Variants in TRAPPC9 observed in about 807,000 individuals in gnomAD.
TRAPPC9 encodes the protein trafficking protein particle complex subunit 9, also known as IKK2 binding protein.
In TRAPPC9, 83 loss-of-function variants were observed where a neutral mutation model predicts 124.0. The ratio of observed to expected loss-of-function variants is 0.67; its 90% CI spans 0.56 to 0.80. TRAPPC9 has a LOEUF of 0.80. Among genes scored for constraint, TRAPPC9 ranks in the 30% least tolerant of loss-of-function variants. The probability of loss-of-function intolerance (pLI) is 0.00; values close to 1 mark genes in which losing one functional copy is unlikely to be tolerated. For synonymous variants in TRAPPC9, 638 were observed against 617.5 expected (o/e 1.03, Z -0.49); for missense variants, 1,302 against 1,508.3 (o/e 0.86, Z 2.27).
At chr8:139,808,076 G>A (rs1286624370) in intron 21 of TRAPPC9, among the ~76,000 whole-genome samples, 2 of 152,252 alleles carry the variant, frequency 1.3e-5, no homozygotes, top group Non-Finnish European at 2.9e-5. Flanking sequence ...GAGGATCACA[G>A]AGGAGTGCAA....
intron 17 of TRAPPC9, among the ~76,000 whole-genome samples, chr8:140,168,165 G>T (rs1476366608): frequency 6.6e-6 from 1 of 152,174 alleles, no homozygotes; most frequent in African/African-American, 2.4e-5. Flanking sequence ...TATCTTATTA[G>T]TGTGGCAACT....
chr8:139,976,609 C>T, intron 19 of TRAPPC9, among the ~76,000 whole-genome samples: 1 of 152,206 alleles, frequency 6.6e-6, no homozygotes, highest in Non-Finnish European at 1.5e-5. Flanking sequence ...GGCTCAGGTG[C>T]CTCACCACAA....
At chr8:140,295,631 A>C (rs2065783584) in intron 11 of TRAPPC9, among the ~76,000 whole-genome samples, 1 of 152,196 alleles carries the variant, frequency 6.6e-6, no homozygotes, top group Non-Finnish European at 1.5e-5. Flanking sequence ...CCAACACACA[A>C]AGACTCGTGA....
At chr8:140,283,865 C>A (rs191363774) in intron 14 of TRAPPC9, 24 bp downstream of exon 14, 6 of 1,613,622 alleles carry the variant, frequency 3.7e-6, no homozygotes, top group Non-Finnish European at 5.1e-6. Flanking sequence ...AGCCACTCTG[C>A]TCTGTGACCC....
At chr8:140,134,158 C>T (rs34845850) in intron 17 of TRAPPC9, among the ~76,000 whole-genome samples, 54,707 of 152,012 alleles carry the variant, frequency 0.36, 9,931 homozygotes, top group Middle Eastern at 0.4. Flanking sequence ...TACAAAGCCA[C>T]GGTAATACAA....
At chr8:139,836,018 A>AT (rs202133497) in intron 21 of TRAPPC9, among the ~76,000 whole-genome samples, 1 of 101,154 alleles carries the variant, frequency 9.9e-6, no homozygotes, top group African/African-American at 4.5e-5. Flanking sequence ...TTATTTATTT[A>AT]TTTTTTTTGA....
At chr8:140,311,521 C>T (rs1420444466) in intron 9 of TRAPPC9, 147 bp from the exon 10 acceptor site, 2 of 908,434 alleles carry the variant, frequency 2.2e-6, no homozygotes, top group African/African-American at 1.7e-5. Context: ...GAGACCAGAA[C>T]AAAGCAGAAG....
rs538381612 is a variant in TRAPPC9 at position 139,749,126 on chromosome 8, C to T, written c.3056-16924G>A. On this transcript the variant is annotated intron_variant, in intron 21 of 22. Coordinates refer to ENST00000438773, the MANE Select transcript of TRAPPC9 (RefSeq NM_001160372.4). Reference sequence around the variant, plus strand: ...TGTGGTCTCTCACCCCAGTGCCCTGCGACTTCCCCTGCTCCATCTGTCCCT... The same window carrying T: ...TGTGGTCTCTCACCCCAGTGCCCTGTGACTTCCCCTGCTCCATCTGTCCCT... Among the ~76,000 whole-genome samples, 15 of 152,152 alleles carry T rather than the reference C, an allele frequency of 9.9e-5. No individual in the cohort carries two copies. In the South Asian group the frequency reaches 2.3e-3, roughly 23 times the overall value.
At chr8:140,049,925 G>A (rs1841874901) in intron 17 of TRAPPC9, among the ~76,000 whole-genome samples, 1 of 152,214 alleles carries the variant, frequency 6.6e-6, no homozygotes, top group African/African-American at 2.4e-5. Flanking sequence ...TCCCCAAACT[G>A]GATGGCCATT....
At chr8:140,290,457 A>T (rs779257982) in intron 12 of TRAPPC9, among the ~76,000 whole-genome samples, 7 of 152,190 alleles carry the variant, frequency 4.6e-5, no homozygotes, top group Admixed American at 1.3e-4. Context: ...AGAATTGGGT[A>T]AGCATTTCCA....
intron 21 of TRAPPC9, among the ~76,000 whole-genome samples, chr8:139,760,331 C>T (rs1820134940): frequency 1.3e-5 from 2 of 152,116 alleles, no homozygotes; most frequent in South Asian, 4.1e-4. Flanking sequence ...TTGGAGAGGG[C>T]CCACCCTGGG....
intron 9 of TRAPPC9, among the ~76,000 whole-genome samples, chr8:140,319,792 C>A (rs896018078): frequency 9.2e-5 from 14 of 152,288 alleles, no homozygotes; most frequent in African/African-American, 3.4e-4. Context: ...TTAATGAAAG[C>A]CTAGTTATTA....
intron 19 of TRAPPC9, among the ~76,000 whole-genome samples, chr8:139,968,148 CA>C (rs11299764): frequency 3.6e-5 from 5 of 138,384 alleles, no homozygotes; most frequent in South Asian, 2.3e-4. Flanking sequence ...GACTCTGTCT[CA>C]AAAAAAAAAC....
chr8:140,372,750 G>A lies in TRAPPC9; in HGVS notation c.1135-1570C>T, dbSNP rs188947509. 2.5e-3 allele frequency among the ~76,000 whole-genome samples: 378 copies of A among 152,234 alleles called. 2 individuals carry two copies. Among genetic ancestry groups the A allele is most frequent in the African/African-American group, 8.5e-3 (355 of 41,546 alleles). ...TGTGAGAACACAGAGAAAAGACGGCGGTCTATGAACAAGCAAGTGGGCCCT... is the reference window on the plus strand; with the variant it reads ...TGTGAGAACACAGAGAAAAGACGGCAGTCTATGAACAAGCAAGTGGGCCCT... On this transcript the variant is annotated intron_variant, in intron 7 of 22. Transcript: ENST00000438773.
intron 19 of TRAPPC9, among the ~76,000 whole-genome samples, chr8:139,915,601 C>T (rs73725320): frequency 0.044 from 6,749 of 152,226 alleles, 296 homozygotes; most frequent in African/African-American, 0.12. Flanking sequence ...GCGTATTACC[C>T]GCTGTTCGTG....
chr8:140,014,105 A>T (rs1839305442), intron 18 of TRAPPC9, among the ~76,000 whole-genome samples: 1 of 152,216 alleles, frequency 6.6e-6, no homozygotes, highest in African/African-American at 2.4e-5. Context: ...CCACACAGGG[A>T]AAGTGACGAA....
chr8:139,836,648 G>A (rs77505776), intron 21 of TRAPPC9, among the ~76,000 whole-genome samples: 4,790 of 152,306 alleles, frequency 0.031, 259 homozygotes, highest in African/African-American at 0.11. Context: ...AGAGATGGGC[G>A]TGGCTTCCCG....
chr8:139,835,530 G>C (rs1586949677), intron 21 of TRAPPC9, among the ~76,000 whole-genome samples: 1 of 152,312 alleles, frequency 6.6e-6, no homozygotes, highest in East Asian at 1.9e-4. Flanking sequence ...ATCTATTTTT[G>C]TATCCACGAG....
intron 20 of TRAPPC9, among the ~76,000 whole-genome samples, chr8:139,897,629 C>T (rs1464443414): frequency 6.6e-6 from 1 of 152,218 alleles, no homozygotes; most frequent in African/African-American, 2.4e-5. Context: ...ACAACAACTT[C>T]AGGTTTAGGA....
Sources: allele counts gnomAD v4.1 joint callset (sites outside exome capture counted in the v4.1 genomes callset), GRCh38; gene constraint gnomAD v4.1.1; transcripts MANE v1.5; gene names NCBI Gene and HGNC (gene_info 2026-07-23, HGNC 2026-07-21).